DDAH1: variants seen among roughly 807,000 people sequenced by gnomAD.
DDAH1 encodes the protein dimethylarginine dimethylaminohydrolase 1.
Under a neutral mutation model 28.8 loss-of-function variants are expected in DDAH1, and 19 were observed. That is an observed-to-expected ratio of 0.66 (90% CI 0.46 to 0.97). The LOEUF (loss-of-function observed/expected upper bound fraction) is 0.97, where lower values mean the gene tolerates loss of function less well. Ranked by LOEUF, DDAH1 falls within the 50% of genes least tolerant of loss-of-function variation. The pLI is 0.00. For synonymous variants in DDAH1, 153 were observed against 154.4 expected (o/e 0.99, Z 0.07); for missense variants, 326 against 375.9 (o/e 0.87, Z 1.10).
chr1:85,496,522 G>C (rs746003806), intron 1 of DDAH1, among the ~76,000 whole-genome samples: 2 of 152,182 alleles, frequency 1.3e-5, no homozygotes, highest in Non-Finnish European at 2.9e-5. Flanking sequence ...CAAATGTCAG[G>C]AGATGTTCTG....
At chr1:85,502,720 C>A (rs543233770) in intron 1 of DDAH1, among the ~76,000 whole-genome samples, 2 of 152,344 alleles carry the variant, frequency 1.3e-5, no homozygotes, top group South Asian at 4.1e-4. Context: ...TACAGGGCTG[C>A]TCCAGGCCAG....
At chr1:85,495,357 A>G (rs1656551386) in intron 2 of DDAH1, 1 of 152,208 alleles carries the variant, frequency 6.6e-6, no homozygotes, top group Non-Finnish European at 1.5e-5. Context: ...AGAGGTCTTC[A>G]TGCACTGAAG....
intron 1 of DDAH1, among the ~76,000 whole-genome samples, chr1:85,556,601 G>A (rs1386721535): frequency 6.6e-6 from 1 of 152,186 alleles, no homozygotes; most frequent in Non-Finnish European, 1.5e-5. Flanking sequence ...AAAGGTGTGT[G>A]TGTGTGTGTT....
chr1:85,436,671 A>T (rs1653958586), intron 1 of DDAH1, among the ~76,000 whole-genome samples: 1 of 152,146 alleles, frequency 6.6e-6, no homozygotes, highest in African/African-American at 2.4e-5. Flanking sequence ...TAACTAATCA[A>T]TCAGATGAGT....
chr1:85,378,691 G>A (rs964626760), intron 1 of DDAH1, among the ~76,000 whole-genome samples: 30 of 152,240 alleles, frequency 2.0e-4, no homozygotes, highest in Non-Finnish European at 4.1e-4. Context: ...TTATAGGGAT[G>A]AGCCACCATG....
At chr1:85,576,877 A>T (rs951675607) in intron 1 of DDAH1, 1 of 152,606 alleles carries the variant, frequency 6.6e-6, no homozygotes, top group African/African-American at 2.4e-5. Flanking sequence ...GCGCGGAGGG[A>T]GGCCTGGGCG....
chr1:85,426,782 T>C (rs1359558605), intron 1 of DDAH1, among the ~76,000 whole-genome samples: 2 of 151,660 alleles, frequency 1.3e-5, no homozygotes, highest in Non-Finnish European at 2.9e-5. Context: ...CATGGTGGTG[T>C]GCACCTGTAG....
chr1:85,328,505 C>T (rs1216443964), intron 4 of DDAH1, among the ~76,000 whole-genome samples: 2 of 152,140 alleles, frequency 1.3e-5, no homozygotes, highest in African/African-American at 2.4e-5. Context: ...AATGGGATTC[C>T]ACTATGTCTA....
intron 1 of DDAH1, among the ~76,000 whole-genome samples, chr1:85,503,211 T>C (rs927146751): frequency 2.0e-5 from 3 of 152,212 alleles, no homozygotes; most frequent in Non-Finnish European, 4.4e-5. Flanking sequence ...TTTTTGTTTG[T>C]TCATTTGTTT....
At chr1:85,559,116 T>G (rs143159373) in intron 1 of DDAH1, among the ~76,000 whole-genome samples, 176 of 152,340 alleles carry the variant, frequency 1.2e-3, no homozygotes, top group African/African-American at 4.2e-3. Context: ...AAGGTATTAA[T>G]GTGCAAGCCA....
At chr1:85,562,972 A>G (rs1570677735) in intron 1 of DDAH1, among the ~76,000 whole-genome samples, 1 of 152,242 alleles carries the variant, frequency 6.6e-6, no homozygotes, top group Admixed American at 6.5e-5. Context: ...TGGACAAATT[A>G]TATAAAACAA....
At chr1:85,372,615 A>G (rs1650443527) in intron 1 of DDAH1, among the ~76,000 whole-genome samples, 1 of 151,978 alleles carries the variant, frequency 6.6e-6, no homozygotes. Flanking sequence ...TTTTACTTCT[A>G]ATTTATCACT....
chr1:85,409,419 T>C (rs1321409302), intron 1 of DDAH1, among the ~76,000 whole-genome samples: 2 of 152,176 alleles, frequency 1.3e-5, no homozygotes, highest in South Asian at 2.1e-4. Context: ...TAAATGACAA[T>C]ACAGGACAAA....
intron 1 of DDAH1, among the ~76,000 whole-genome samples, chr1:85,413,303 G>A (rs1403576176): frequency 6.6e-6 from 1 of 152,164 alleles, no homozygotes; most frequent in Non-Finnish European, 1.5e-5. Context: ...TTTTGCAGCT[G>A]CTGATACACT....
At chr1:85,447,666 C>T (rs1182515283) in intron 1 of DDAH1, 1 of 152,126 alleles carries the variant, frequency 6.6e-6, no homozygotes, top group African/African-American at 2.4e-5. Flanking sequence ...GAGGTAGCTC[C>T]CGTTTACTTC....
chr1:85,536,948 C>CATATATATATAT (rs202209648), intron 1 of DDAH1, among the ~76,000 whole-genome samples: 1 of 91,824 alleles, frequency 1.1e-5, no homozygotes, highest in Non-Finnish European at 2.2e-5. Flanking sequence ...GAAAATGTGG[C>CATATATATATAT]ATATATATAT....
At chr1:85,506,810 T>C (rs925347589) in intron 1 of DDAH1, among the ~76,000 whole-genome samples, 1 of 152,152 alleles carries the variant, frequency 6.6e-6, no homozygotes, top group Non-Finnish European at 1.5e-5. Flanking sequence ...TGACAACTGA[T>C]TTTTAGGAAG....
At chr1:85,468,580 C>T (rs531982333), upstream of DDAH1, among the ~76,000 whole-genome samples, 16 of 147,504 alleles carry the variant, frequency 1.1e-4, no homozygotes, top group South Asian at 6.4e-4. Context: ...AGTGCAGTGG[C>T]GCAATCTCGG....
chr1:85,377,837 G>A (rs1227086571), intron 1 of DDAH1, among the ~76,000 whole-genome samples: 1 of 150,150 alleles, frequency 6.7e-6, no homozygotes, highest in African/African-American at 2.5e-5. Flanking sequence ...ATTAATATTT[G>A]AAGGCTGCCC....
Sources: allele counts gnomAD v4.1 joint callset (sites outside exome capture counted in the v4.1 genomes callset), GRCh38; gene constraint gnomAD v4.1.1; transcripts MANE v1.5; gene names NCBI Gene and HGNC (gene_info 2026-07-23, HGNC 2026-07-21).